Variants in ZNF248 observed in about 807,000 individuals in gnomAD.
The protein encoded by ZNF248 is zinc finger protein 248, also known as KRAB protein domain.
A neutral mutation model predicts 44.3 loss-of-function variants in ZNF248; 20 were observed. The ratio of observed to expected loss-of-function variants is 0.45; its 90% CI spans 0.32 to 0.66. ZNF248 has a LOEUF of 0.66. ZNF248 is among the 30% of genes least tolerant of loss of function. ZNF248 has a pLI of 0.04. For synonymous variants in ZNF248, 224 were observed against 229.0 expected, an observed-to-expected ratio of 0.98 and a Z score of 0.20; for missense variants, 654 against 677.0, an observed-to-expected ratio of 0.97 and a Z score of 0.38.
chr10:37,767,773 C>T, the ZNF248 span, among the ~76,000 whole-genome samples: 8 of 152,124 alleles, frequency 5.3e-5, no homozygotes, highest in Non-Finnish European at 1.2e-4. Flanking sequence ...TCATAAATAA[C>T]AATGTTAACT....
At chr10:37,837,929 G>T in intron 4 of ZNF248, 56 bp downstream of exon 4, 3 of 1,585,334 alleles carry the variant, frequency 1.9e-6, no homozygotes, top group Non-Finnish European at 8.6e-7. Flanking sequence ...AAACTACAGG[G>T]CATCAACTAG....
At chr10:37,782,280 C>T (rs2047404639) in intron 6 of ZNF248, among the ~76,000 whole-genome samples, 1 of 152,130 alleles carries the variant, frequency 6.6e-6, no homozygotes, top group Admixed American at 6.6e-5. Flanking sequence ...AATTTTACCC[C>T]AGGATGGACC....
chr10:37,825,386 TA>T (rs1259359956), downstream of ZNF248, among the ~76,000 whole-genome samples: 2 of 152,096 alleles, frequency 1.3e-5, no homozygotes, highest in Non-Finnish European at 2.9e-5. Context: ...GGAATTTTTT[TA>T]ACAAAAAAAA....
chr10:37,802,221 T>C (rs2049925006), intron 6 of ZNF248, among the ~76,000 whole-genome samples: 1 of 152,228 alleles, frequency 6.6e-6, no homozygotes, highest in Non-Finnish European at 1.5e-5. Context: ...GATCTGTTCG[T>C]TTCTTGTTAC....
At chr10:37,776,678 G>C (rs16937583) in intron 6 of ZNF248, 9,500 of 385,868 alleles carry the variant, frequency 0.025, 390 homozygotes, top group East Asian at 0.12. Flanking sequence ...GCTGAAGGTT[G>C]GATGGTGCAG....
chr10:37,822,097 T>C (rs2133653694), intron 6 of ZNF248, among the ~76,000 whole-genome samples: 1 of 152,240 alleles, frequency 6.6e-6, no homozygotes, highest in South Asian at 2.1e-4. Context: ...GAATTTAGTG[T>C]CCCATGAGCC....
chr10:37,817,676 A>T (rs892750002), intron 6 of ZNF248, among the ~76,000 whole-genome samples: 1 of 152,138 alleles, frequency 6.6e-6, no homozygotes, highest in Non-Finnish European at 1.5e-5. Flanking sequence ...TTCAAATATA[A>T]AAAAGGGGAG....
At chr10:37,847,437 C>T (rs1197896828) in intron 3 of ZNF248, among the ~76,000 whole-genome samples, 1 of 152,158 alleles carries the variant, frequency 6.6e-6, no homozygotes, top group African/African-American at 2.4e-5. Flanking sequence ...GTGTGGATTA[C>T]TGCTCATTTT....
chr10:37,801,173 G>A (rs1168146064), intron 6 of ZNF248, among the ~76,000 whole-genome samples: 5 of 151,866 alleles, frequency 3.3e-5, no homozygotes, highest in Non-Finnish European at 7.4e-5. Flanking sequence ...TCAGGAGATC[G>A]AGACCATCCT....
At chr10:37,763,324 T>C in the ZNF248 span, among the ~76,000 whole-genome samples, 1 of 152,176 alleles carries the variant, frequency 6.6e-6, no homozygotes, top group Non-Finnish European at 1.5e-5. Context: ...CTTTGAACAA[T>C]AGGTGCTAAT....
chr10:37,807,870 TTTTA>T (rs1170174041), intron 6 of ZNF248, among the ~76,000 whole-genome samples: 5 of 152,188 alleles, frequency 3.3e-5, no homozygotes, highest in African/African-American at 7.2e-5. Context: ...TCTGTATGCC[TTTTA>T]TTTATTTTTT....
rs764651379 is a variant in ZNF248 at position 37,832,457 on chromosome 10, T to G, written c.898A>C (p.Asn300His). 64 of 1,614,018 alleles carry G rather than the reference T, an allele frequency of 4.0e-5. No individual in the cohort carries two copies. The highest frequency in any genetic ancestry group is 6.7e-5 in the Admixed American group (4 of 59,990). Residue 300 changes from asparagine (N) to histidine (H), a missense_variant, in exon 6 of 6, where the codon AAT (asparagine) becomes CAT (histidine). Asn to His is a moderately conservative substitution (Grantham distance 68). Transcript: ENST00000395867. ...ALTKDNPYEY[N>H]EYGEIFCDNS... ...TCACAGAAGATTTCCCCATATTCAT[T>G]ATATTCATAAGGATTGTCCTTTGTA...
At chr10:37,818,921 C>T (rs1478301321) in intron 6 of ZNF248, 7 of 1,100,260 alleles carry the variant, frequency 6.4e-6, no homozygotes, top group Non-Finnish European at 9.7e-6. Context: ...AAGATCACAC[C>T]CACCGACCAC....
At chr10:37,795,612 G>C (rs2049061840) in intron 6 of ZNF248, 1 of 152,000 alleles carries the variant, frequency 6.6e-6, no homozygotes, top group South Asian at 2.1e-4. Flanking sequence ...TATTCATTAT[G>C]ACTGATATCC....
chr10:37,839,021 C>T (rs773022224), intron 3 of ZNF248, among the ~76,000 whole-genome samples: 3 of 152,124 alleles, frequency 2.0e-5, no homozygotes, highest in Non-Finnish European at 4.4e-5. Flanking sequence ...AAGGTTCTGA[C>T]CTTAACCTTC....
At chr10:37,787,705 G>A (rs1195165878) in intron 6 of ZNF248, among the ~76,000 whole-genome samples, 2 of 150,686 alleles carry the variant, frequency 1.3e-5, no homozygotes, top group African/African-American at 2.4e-5. Context: ...AATTAAAGCA[G>A]AATGAATCAA....
downstream of ZNF248, chr10:37,776,315 A>G (rs1332176857): frequency 2.9e-6 from 1 of 344,510 alleles, no homozygotes; most frequent in East Asian, 4.3e-5. Flanking sequence ...GACGTGGTCC[A>G]AACCTTTCAT....
At chr10:37,776,819 T>C (rs1380704662) in intron 6 of ZNF248, among the ~76,000 whole-genome samples, 1 of 152,102 alleles carries the variant, frequency 6.6e-6, no homozygotes, top group Non-Finnish European at 1.5e-5. Context: ...GAATACAAGA[T>C]GGTTTTAGGT....
At chr10:37,856,653 A>T in intron 1 of ZNF248, 121 bp from the exon 2 acceptor site, 1 of 1,032,314 alleles carries the variant, frequency 9.7e-7, no homozygotes, top group Non-Finnish European at 1.2e-6. Flanking sequence ...AACTGAGGCC[A>T]TATTGTTTAT....
Sources: gnomAD v4.1 joint callset for allele counts (sites outside exome capture counted in the v4.1 genomes callset) on GRCh38, gnomAD v4.1.1 for gene constraint, MANE v1.5 for transcripts, NCBI Gene and HGNC (gene_info 2026-07-23, HGNC 2026-07-21) for gene names.